Variants in TGFBR1 observed in about 807,000 individuals in gnomAD.
TGFBR1 encodes the protein TGF-beta receptor type-1.
A neutral mutation model predicts 55.1 loss-of-function variants in TGFBR1; 20 were observed. That is an observed-to-expected ratio of 0.36 (90% CI 0.26 to 0.53). TGFBR1 has a LOEUF of 0.53. TGFBR1 is among the 20% of genes least tolerant of loss of function. The pLI is 0.91. For synonymous variants in TGFBR1, 220 were observed against 214.8 expected (o/e 1.02, Z -0.21); for missense variants, 385 against 617.6 (o/e 0.62, Z 3.99).
Position 99,153,041 on chromosome 9 carries a change from G to A in TGFBR1, c.*3736G>A, listed in dbSNP as rs559623340. On this transcript the variant is annotated 3_prime_UTR_variant, in exon 9 of 9. Coordinates refer to ENST00000374994, the MANE Select transcript of TGFBR1 (RefSeq NM_004612.4). ...TTGTTTTTATTTTTTAACAAGATTTGTGAACTGAATATCATGAACCATGTT... is the reference window on the plus strand; with the variant it reads ...TTGTTTTTATTTTTTAACAAGATTTATGAACTGAATATCATGAACCATGTT... 1 of 227,958 alleles carries A rather than the reference G, an allele frequency of 4.4e-6. No individual in the cohort carries two copies. The highest frequency in any genetic ancestry group is 6.3e-5 in the East Asian group (1 of 15,874). 14.1% of individuals were successfully genotyped at this position (227,958 alleles called of 1,614,324 possible). A position where few individuals can be genotyped will look rare whatever the true frequency, so the allele number is the denominator to read the frequency against.
At chr9:99,128,327 A>G (rs1299060989) in intron 1 of TGFBR1, among the ~76,000 whole-genome samples, 1 of 152,164 alleles carries the variant, frequency 6.6e-6, no homozygotes, top group Admixed American at 6.5e-5. Context: ...AGGGGAATAG[A>G]GAGTGTCTGG....
chr9:99,147,661 T>C lies in TGFBR1; in HGVS notation c.1263T>C (p.His421=). The C allele has an allele frequency of 6.2e-7, 1 of 1,613,264 alleles. No individual in the cohort carries two copies. Among genetic ancestry groups the C allele is most frequent in the Non-Finnish European group, 8.5e-7 (1 of 1,179,540 alleles). The change falls in exon 8 of 9, where the codon CAT becomes CAC. Residue 421 remains histidine, a synonymous_variant. Coordinates refer to ENST00000374994, the MANE Select transcript of TGFBR1 (RefSeq NM_004612.4). Reference sequence around the variant, plus strand: ...TTTTTTAAACTGATACAGGAATTCATGAAGATTACCAACTGCCTTATTATG... The same window carrying C: ...TTTTTTAAACTGATACAGGAATTCACGAAGATTACCAACTGCCTTATTATG... The part of the protein sequence containing the change: ...IARRCSIGGI[H]EDYQLPYYDL...
chr9:99,111,392 G>A (rs1826573557), intron 1 of TGFBR1, among the ~76,000 whole-genome samples: 1 of 149,250 alleles, frequency 6.7e-6, no homozygotes, highest in Admixed American at 6.7e-5. Context: ...ACTTTGGGAG[G>A]CCGAAGTGGG....
intron 3 of TGFBR1, among the ~76,000 whole-genome samples, chr9:99,134,784 G>T: frequency 9.8e-6 from 1 of 101,926 alleles, no homozygotes; most frequent in Admixed American, 1.2e-4. Context: ...GAGAAACAAT[G>T]GAATAATTCT....
intron 1 of TGFBR1, among the ~76,000 whole-genome samples, chr9:99,110,332 CGTT>C (rs886860069): frequency 6.6e-6 from 1 of 152,168 alleles, no homozygotes; most frequent in African/African-American, 2.4e-5. Context: ...TGTCTTGTCT[CGTT>C]TAATTCTCTC....
intron 3 of TGFBR1, among the ~76,000 whole-genome samples, chr9:99,134,803 T>C (rs1364937372): frequency 1.1e-3 from 27 of 25,568 alleles, no homozygotes; most frequent in African/African-American, 3.0e-3. Flanking sequence ...CTGTTTCCAT[T>C]ATATATATAT....
intron 1 of TGFBR1, among the ~76,000 whole-genome samples, chr9:99,116,684 T>C (rs1826752767): frequency 6.6e-6 from 1 of 152,204 alleles, no homozygotes; most frequent in Non-Finnish European, 1.5e-5. Context: ...CCCCCCACTT[T>C]CTTCAGTAGC....
At chr9:99,126,717 C>T (rs1827052328) in intron 1 of TGFBR1, among the ~76,000 whole-genome samples, 1 of 152,102 alleles carries the variant, frequency 6.6e-6, no homozygotes. Context: ...TTCAGAATTC[C>T]TCCTTAGGAA....
intron 1 of TGFBR1, among the ~76,000 whole-genome samples, chr9:99,123,996 C>T (rs1381884680): frequency 2.0e-5 from 3 of 152,094 alleles, no homozygotes; most frequent in Non-Finnish European, 4.4e-5. Flanking sequence ...AATAAAACAT[C>T]GTAGTTAGCA....
In TGFBR1 at chr9:99,153,951, T is replaced by TG. The variant is rs1828039631; in HGVS notation, c.*4651dup. 1 of 214,750 alleles carries TG rather than the reference T, an allele frequency of 4.7e-6. No individual in the cohort carries two copies. The highest frequency in any genetic ancestry group is 1.9e-4 in the South Asian group (1 of 5,370). The allele number at this position is 214,750 out of a possible 1,614,324, so 13.3% of individuals were successfully genotyped here. On this transcript the variant is annotated 3_prime_UTR_variant, in exon 9 of 9. Coordinates refer to ENST00000374994, the MANE Select transcript of TGFBR1 (RefSeq NM_004612.4). ...TGGGTCAGCACATTTGTTAGTCTCC[T>TG]GGGGGTGAAAACTTGGCTTACAAGA... is the stretch of plus-strand genomic sequence containing the variant.
Position 99,152,749 on chromosome 9 carries a change from A to T in TGFBR1, c.*3444A>T, listed in dbSNP as rs1445992031. 4.4e-6 allele frequency: 1 copy of T among 228,630 alleles called. No individual in the cohort carries two copies. The highest frequency in any genetic ancestry group is 2.2e-5 in the African/African-American group (1 of 45,080). The allele number at this position is 228,630 out of a possible 1,614,324, so 14.2% of individuals were successfully genotyped here. A position where few individuals can be genotyped will look rare whatever the true frequency, so the allele number is the denominator to read the frequency against. On this transcript the variant is annotated 3_prime_UTR_variant, in exon 9 of 9. Coordinates refer to ENST00000374994, the MANE Select transcript of TGFBR1 (RefSeq NM_004612.4). ...GATTCCAAATAATGGTTCTGTTAAC[A>T]CTTTGGCAGAAAATGCCAGCTCAGA...
At chr9:99,110,448 T>G (rs1415946937) in intron 1 of TGFBR1, among the ~76,000 whole-genome samples, 1 of 152,236 alleles carries the variant, frequency 6.6e-6, no homozygotes, top group Non-Finnish European at 1.5e-5. Flanking sequence ...TTCTTACTTA[T>G]TTGCTGCTTA....
At chr9:99,112,514 C>T (rs1826617018) in intron 1 of TGFBR1, among the ~76,000 whole-genome samples, 1 of 152,112 alleles carries the variant, frequency 6.6e-6, no homozygotes, top group Admixed American at 6.5e-5. Context: ...TGTCTCCTTC[C>T]TATCATTCTA....
chr9:99,108,261 G>C (rs1379584421), intron 1 of TGFBR1, among the ~76,000 whole-genome samples: 4 of 148,064 alleles, frequency 2.7e-5, no homozygotes, highest in African/African-American at 5.0e-5. Flanking sequence ...ACCTTCACCA[G>C]CAGTTATGCA....
Position 99,152,671 on chromosome 9 carries a change from T to C in TGFBR1, c.*3366T>C, listed in dbSNP as rs145719397. ...TATTTTTATTCTTGCACTGGAAGAATCGTAAGTCAACTGTTTCTTGACCAT... is the reference window on the plus strand; with the variant it reads ...TATTTTTATTCTTGCACTGGAAGAACCGTAAGTCAACTGTTTCTTGACCAT... On this transcript the variant is annotated 3_prime_UTR_variant, in exon 9 of 9. Coordinates refer to ENST00000374994, the MANE Select transcript of TGFBR1 (RefSeq NM_004612.4). The C allele has an allele frequency of 1.1e-4, 26 of 227,192 alleles. No individual in the cohort carries two copies. Among genetic ancestry groups the C allele is most frequent in the African/African-American group, 5.3e-4 (24 of 45,124 alleles). 14.1% of individuals were successfully genotyped at this position (227,192 alleles called of 1,614,324 possible).
At chr9:99,117,551 TTTA>T (rs1188358441) in intron 1 of TGFBR1, among the ~76,000 whole-genome samples, 2 of 152,204 alleles carry the variant, frequency 1.3e-5, no homozygotes, top group Non-Finnish European at 2.9e-5. Context: ...GTATGAGATT[TTTA>T]TTATTTTTAA....
intron 1 of TGFBR1, among the ~76,000 whole-genome samples, chr9:99,110,328 G>A (rs552897099): frequency 2.0e-5 from 3 of 152,254 alleles, no homozygotes; most frequent in South Asian, 4.2e-4. Context: ...TATCTGTCTT[G>A]TCTCGTTTAA....
intron 6 of TGFBR1, 89 bp downstream of exon 6, chr9:99,144,977 G>C: frequency 7.0e-7 from 1 of 1,438,786 alleles, no homozygotes; most frequent in Non-Finnish European, 9.6e-7. Flanking sequence ...CTGAAACTCA[G>C]CTTAAACTTG....
At chr9:99,146,262 G>A (rs926648529) in intron 6 of TGFBR1, among the ~76,000 whole-genome samples, 1 of 152,172 alleles carries the variant, frequency 6.6e-6, no homozygotes, top group Non-Finnish European at 1.5e-5. Context: ...CCAAGATCAT[G>A]AGGCAGATAG....
Sources: gnomAD v4.1 joint callset for allele counts (sites outside exome capture counted in the v4.1 genomes callset) on GRCh38, gnomAD v4.1.1 for gene constraint, MANE v1.5 for transcripts, NCBI Gene and HGNC (gene_info 2026-07-23, HGNC 2026-07-21) for gene names.